DEAF1: variants seen among roughly 807,000 people sequenced by gnomAD.
DEAF1 encodes deformed epidermal autoregulatory factor 1 homolog.
In DEAF1, 53 loss-of-function variants were observed where a neutral mutation model predicts 58.9. That is an observed-to-expected ratio of 0.90 (90% CI 0.72 to 1.13). The LOEUF is 1.13. DEAF1 is among the 50% of genes most tolerant of loss of function. DEAF1 has a pLI of 0.00. For missense variants in DEAF1, 685 were observed against 791.4 expected (o/e 0.87, Z 1.61); for synonymous variants, 385 against 340.4 (o/e 1.13, Z -1.44).
rs1214508683 is a variant in DEAF1, at chr11:644,257, GAC to G, written c.*291_*292del. 3.9e-6 allele frequency: 2 copies of G among 512,464 alleles called. No homozygotes were observed. Among genetic ancestry groups the G allele is most frequent in the Non-Finnish European group, 7.1e-6 (2 of 279,946 alleles). The allele number at this position is 512,464 out of a possible 1,614,324, so 31.7% of individuals were successfully genotyped here. On this transcript the variant is annotated 3_prime_UTR_variant, in exon 12 of 12. Transcript: ENST00000382409. The surrounding 1 kb of genome is among the most constrained non-coding windows in gnomAD (Gnocchi z 4.3). ...AGACCTTATTTACACTTTATTGACA[GAC>G]ACAACACGTATGTATGTGCGTCGCA...
At chr11:671,155 C>T (rs1303130460) in intron 10 of DEAF1, among the ~76,000 whole-genome samples, 2 of 151,516 alleles carry the variant, frequency 1.3e-5, no homozygotes. Flanking sequence ...GTCTCGATCT[C>T]CTGACCTCGT....
In DEAF1 at chr11:684,936, A is replaced by C. The variant is rs2133395011; in HGVS notation, c.832T>G (p.Ser278Ala). 6.4e-7 allele frequency: 1 copy of C among 1,551,674 alleles called. No homozygotes were observed. The highest frequency in any genetic ancestry group is 8.7e-7 in the Non-Finnish European group (1 of 1,147,002). Residue 278 changes from serine (S) to alanine (A), a missense_variant, in exon 6 of 12, where the codon TCT becomes GCT. Physicochemically the swap from Ser to Ala is moderately conservative, Grantham distance 99. This residue lies in a region of DEAF1 where 132 missense variants were observed against 234.3 expected (regional missense o/e 0.56). Coordinates refer to ENST00000382409, the MANE Select transcript of DEAF1 (RefSeq NM_021008.4). ...TCGCAGCAGGCAGCACAGGTGCAAG[A>C]GGCAGCGTGAGGGTTTAAGATCCCA... ...QDGILNPHAA[S>A]CTCAACCDDM...
intron 1 of DEAF1, chr11:704,149 C>T (rs1861621282): frequency 1.8e-6 from 2 of 1,103,486 alleles, no homozygotes; most frequent in Non-Finnish European, 2.2e-6. Flanking sequence ...TTATGGCCAC[C>T]TCCCCCACCC....
intron 10 of DEAF1, among the ~76,000 whole-genome samples, chr11:659,634 C>T (rs1859222439): frequency 6.6e-6 from 1 of 152,212 alleles, no homozygotes; most frequent in African/African-American, 2.4e-5. Context: ...GCTTCAGGGG[C>T]CAGGTGATTG....
At chr11:663,440 TCAA>T (rs759235371) in intron 10 of DEAF1, among the ~76,000 whole-genome samples, 13 of 152,142 alleles carry the variant, frequency 8.5e-5, no homozygotes, top group Admixed American at 2.0e-4. Flanking sequence ...AGAGTGAGAC[TCAA>T]CAACAACAAC....
At chr11:645,714 C>T (rs1858460204) in intron 11 of DEAF1, among the ~76,000 whole-genome samples, 1 of 152,228 alleles carries the variant, frequency 6.6e-6, no homozygotes, top group South Asian at 2.1e-4. Flanking sequence ...GGAGAAGCCA[C>T]AGCTCCTGTG....
chr11:696,608 A>C (rs1861175810), upstream of DEAF1, among the ~76,000 whole-genome samples: 1 of 152,138 alleles, frequency 6.6e-6, no homozygotes, highest in Non-Finnish European at 1.5e-5. Context: ...ATAAAAAAAA[A>C]ACTGTAAACA....
In DEAF1 at chr11:701,103, G is replaced by T. The variant is rs185617506; in HGVS notation, c.-438+5469C>A. 65 of 232,904 alleles carry T rather than the reference G, an allele frequency of 2.8e-4. No homozygotes were observed. The East Asian group carries it at 5.2e-3, about 19-fold the overall frequency. The allele number at this position is 232,904 out of a possible 1,614,324, so 14.4% of individuals were successfully genotyped here. A position where few individuals can be genotyped will look rare whatever the true frequency, so the allele number is the denominator to read the frequency against. ...GGAGAGTTCTGCCAGGTCCCAAAAG[G>T]CAGCAGAGTCTGGAGGGGTGGGAGC... On this transcript the variant is annotated intron_variant, in intron 1 of 11. Coordinates refer to the DEAF1 transcript ENST00000683307.
chr11:688,480 C>A lies in DEAF1; in HGVS notation c.388-20G>T. Reference sequence around the variant, plus strand: ...ACCAGACTAGAAGGAAAAACCGCTCCGTCAGGTCACGTCCGAGAGTGACAC... The same window carrying A: ...ACCAGACTAGAAGGAAAAACCGCTCAGTCAGGTCACGTCCGAGAGTGACAC... On this transcript the variant is annotated intron_variant, in intron 2 of 11. Coordinates refer to ENST00000382409, the MANE Select transcript of DEAF1 (RefSeq NM_021008.4). The surrounding 1 kb of genome is among the most constrained non-coding windows in gnomAD (Gnocchi z 4.3). 1 of 1,613,110 alleles carries A rather than the reference C, an allele frequency of 6.2e-7. No individual in the cohort carries two copies. The highest frequency in any genetic ancestry group is 1.1e-5 in the South Asian group (1 of 91,062).
chr11:677,126 C>CTT (rs557272383), intron 9 of DEAF1, among the ~76,000 whole-genome samples: 24 of 146,002 alleles, frequency 1.6e-4, no homozygotes, highest in Non-Finnish European at 2.1e-4. Context: ...CCACCCCACA[C>CTT]TTTTTTTTTT....
intron 10 of DEAF1, among the ~76,000 whole-genome samples, chr11:655,449 G>T (rs775726286): frequency 6.6e-6 from 1 of 152,270 alleles, no homozygotes; most frequent in Non-Finnish European, 1.5e-5. Context: ...GAGCTCCGCC[G>T]TCAATGCTCT....
At chr11:681,579 G>C (rs6597994) in intron 6 of DEAF1, among the ~76,000 whole-genome samples, 1 of 151,842 alleles carries the variant, frequency 6.6e-6, no homozygotes, top group Non-Finnish European at 1.5e-5. Flanking sequence ...CCTGGCTAGT[G>C]TTTTGTATTT....
At chr11:698,782 A>C, upstream of DEAF1, 7 of 1,470,712 alleles carry the variant, frequency 4.8e-6, no homozygotes, top group Non-Finnish European at 5.7e-6. Context: ...AAAATAAAGC[A>C]GGGGTGGTTC....
chr11:671,820 A>C, intron 10 of DEAF1, among the ~76,000 whole-genome samples: 1 of 111,766 alleles, frequency 8.9e-6, no homozygotes, highest in African/African-American at 3.4e-5. Context: ...GTGAGACCTT[A>C]CCTCTTAAAA....
At chr11:668,872 C>A (rs1453872568) in intron 10 of DEAF1, among the ~76,000 whole-genome samples, 1 of 152,158 alleles carries the variant, frequency 6.6e-6, no homozygotes, top group African/African-American at 2.4e-5. Flanking sequence ...GTAGCCCAGG[C>A]TGGACTGCAG....
At chr11:679,958 A>G (rs1292468511) in intron 7 of DEAF1, 142 bp from the exon 8 acceptor site, 1 of 1,170,536 alleles carries the variant, frequency 8.5e-7, no homozygotes, top group Non-Finnish European at 1.2e-6. Context: ...CATGTGAAGG[A>G]CACGGGGGAA....
intron 9 of DEAF1, chr11:678,450 G>A: frequency 2.1e-6 from 1 of 465,548 alleles, no homozygotes. Context: ...GTTTCTAGGG[G>A]CGTGCCCTGC....
Position 647,440 on chromosome 11 carries a change from G to T in DEAF1, c.1594-2786C>A, listed in dbSNP as rs111946440. On this transcript the variant is annotated intron_variant, in intron 11 of 11. Transcript: ENST00000382409. The stretch of plus-strand genomic sequence containing the variant: ...GCTGCACTCCAGCCTGGGTGACAGA[G>T]CCAGACCCTGTCTCAAAAACAGAAA... Among the ~76,000 whole-genome samples the T allele has an allele frequency of 1.3e-4, 20 of 152,290 alleles. 1 individual carries two copies. Among genetic ancestry groups the T allele is most frequent in the African/African-American group, 4.6e-4 (19 of 41,568 alleles).
At chr11:667,458 A>G (rs1474615951) in intron 10 of DEAF1, among the ~76,000 whole-genome samples, 1 of 151,944 alleles carries the variant, frequency 6.6e-6, no homozygotes, top group East Asian at 1.9e-4. Context: ...GAAGGAAGGC[A>G]GGTAGGCAGG....
Sources: gnomAD v4.1 joint callset for allele counts (sites outside exome capture counted in the v4.1 genomes callset) on GRCh38, gnomAD v4.1.1 for gene constraint, gnomAD v4.1.1 regional missense constraint, Gnocchi (gnomAD v3.1) non-coding constraint, MANE v1.5 for transcripts, NCBI Gene and HGNC (gene_info 2026-07-23, HGNC 2026-07-21) for gene names.